Variants in ARHGAP8 observed in about 807,000 individuals in gnomAD.
The protein encoded by ARHGAP8 is Rho GTPase activating protein 8.
ARHGAP8 carries 62 observed loss-of-function variants against 46.1 expected under a neutral mutation model. The observed-to-expected ratio is 1.34, with a 90% CI of 1.10 to 1.66. ARHGAP8 has a LOEUF of 1.66. ARHGAP8 is among the 40% of genes most tolerant of loss of function. The pLI is 0.00. For missense variants in ARHGAP8, 923 were observed against 568.4 expected, an observed-to-expected ratio of 1.62 and a Z score of -6.34; for synonymous variants, 375 against 243.1, an observed-to-expected ratio of 1.54 and a Z score of -5.05.
chr22:44,794,991 T>C (rs985068827), intron 2 of ARHGAP8, among the ~76,000 whole-genome samples: 1 of 137,472 alleles, frequency 7.3e-6, no homozygotes, highest in African/African-American at 2.8e-5. Context: ...CAGTAAGTTA[T>C]GATCATGCCA....
chr22:44,756,185 G>T (rs919706696), intron 1 of ARHGAP8, among the ~76,000 whole-genome samples: 38 of 152,220 alleles, frequency 2.5e-4, no homozygotes, highest in Non-Finnish European at 4.7e-4. Context: ...GGTTGGGCAG[G>T]TCTGAATTCC....
intron 1 of ARHGAP8, among the ~76,000 whole-genome samples, chr22:44,775,636 G>A (rs1444208160): frequency 6.6e-6 from 1 of 152,012 alleles, no homozygotes; most frequent in East Asian, 1.9e-4. Context: ...TATTAGTAGA[G>A]ATGGGGTTTC....
chr22:44,823,476 A>T (rs1482673461), intron 6 of ARHGAP8, among the ~76,000 whole-genome samples: 2 of 152,078 alleles, frequency 1.3e-5, no homozygotes, highest in Admixed American at 1.3e-4. Flanking sequence ...GTCCCATGTG[A>T]TCAGGCAGAA....
intron 10 of ARHGAP8, among the ~76,000 whole-genome samples, chr22:44,858,622 C>T (rs966247765): frequency 6.2e-5 from 9 of 145,746 alleles, no homozygotes; most frequent in South Asian, 4.4e-4. Context: ...GTGCCTGCCT[C>T]GGCCTCCCAA....
At chr22:44,858,749 T>TC (rs1555922761) in intron 10 of ARHGAP8, among the ~76,000 whole-genome samples, 1 of 136,362 alleles carries the variant, frequency 7.3e-6, no homozygotes, top group Non-Finnish European at 1.6e-5. Flanking sequence ...GGTCTCAGAG[T>TC]GGGGGCCAGT....
intron 1 of ARHGAP8, among the ~76,000 whole-genome samples, chr22:44,758,468 C>T (rs867638029): frequency 2.0e-5 from 3 of 152,082 alleles, no homozygotes; most frequent in South Asian, 2.1e-4. Context: ...ATGGGGGCTC[C>T]GTGAATCCCC....
intron 3 of ARHGAP8, among the ~76,000 whole-genome samples, chr22:44,804,120 G>A (rs1019077280): frequency 1.3e-5 from 2 of 151,848 alleles, no homozygotes; most frequent in African/African-American, 4.8e-5. Flanking sequence ...CATGGGCCTC[G>A]CACCCTGCAC....
At chr22:44,794,873 A>G (rs2147065443) in intron 2 of ARHGAP8, among the ~76,000 whole-genome samples, 1 of 151,970 alleles carries the variant, frequency 6.6e-6, no homozygotes, top group South Asian at 2.1e-4. Context: ...TTGGAAGGAC[A>G]TTTAGAAATC....
chr22:44,783,597 C>G (rs564576944), intron 1 of ARHGAP8, among the ~76,000 whole-genome samples: 2 of 152,298 alleles, frequency 1.3e-5, no homozygotes, highest in East Asian at 3.9e-4. Flanking sequence ...CCTGTTCATG[C>G]CTCTGCTCCA....
chr22:44,858,203 G>T (rs5765060), intron 10 of ARHGAP8, among the ~76,000 whole-genome samples: 65,522 of 152,058 alleles, frequency 0.43, 14,420 homozygotes, highest in East Asian at 0.65. Context: ...GCACCCGGTG[G>T]TCACCAGCAA....
At chr22:44,845,979 G>A (rs975000636) in intron 8 of ARHGAP8, among the ~76,000 whole-genome samples, 3 of 151,748 alleles carry the variant, frequency 2.0e-5, no homozygotes, top group Non-Finnish European at 4.4e-5. Flanking sequence ...GTGCTGCAGC[G>A]CAGATGCGTG....
intron 1 of ARHGAP8, among the ~76,000 whole-genome samples, chr22:44,782,239 A>C (rs1448987833): frequency 1.3e-5 from 2 of 152,330 alleles, no homozygotes; most frequent in Middle Eastern, 3.4e-3. Flanking sequence ...CAGGGGGCTG[A>C]GGCAGGAGAA....
intron 1 of ARHGAP8, among the ~76,000 whole-genome samples, chr22:44,783,780 G>A (rs2882261): frequency 0.89 from 134,553 of 151,948 alleles, 59,844 homozygotes; most frequent in Non-Finnish European, 0.94. Context: ...CTGTACCTCC[G>A]GAGGCTCCAG....
intron 2 of ARHGAP8, among the ~76,000 whole-genome samples, chr22:44,795,750 T>C (rs1370999954): frequency 6.6e-6 from 1 of 152,144 alleles, no homozygotes; most frequent in African/African-American, 2.4e-5. Context: ...CTTCTCTTTC[T>C]TGGACACCAG....
In ARHGAP8 at chr22:44,849,151, G is replaced by A. The variant is rs143060526; in HGVS notation, c.877+91G>A. 7.6e-3 allele frequency: 11,956 copies of A among 1,580,720 alleles called. 58 individuals are homozygous for A. The highest frequency in any genetic ancestry group is 9.2e-3 in the Non-Finnish European group (10,742 of 1,168,634). On this transcript the variant is annotated intron_variant, in intron 10 of 11. Coordinates refer to ENST00000356099, the MANE Select transcript of ARHGAP8 (RefSeq NM_181335.3). ...CCCAGGGTCAGGCTCTGGGGTGGCC[G>A]AGGTGACGTGTACCCACCCTCCTCC...
intron 7 of ARHGAP8, among the ~76,000 whole-genome samples, chr22:44,837,248 G>A (rs1219374550): frequency 6.6e-6 from 1 of 152,180 alleles, no homozygotes; most frequent in Non-Finnish European, 1.5e-5. Flanking sequence ...CAAAACCAGA[G>A]AAAAAACATG....
At chr22:44,835,230 GC>G (rs1931203156) in intron 7 of ARHGAP8, among the ~76,000 whole-genome samples, 1 of 128,082 alleles carries the variant, frequency 7.8e-6, no homozygotes, top group Non-Finnish European at 1.6e-5. Flanking sequence ...TGTTTCTTTT[GC>G]TATATATATA....
At chr22:44,769,023 T>C (rs1925808977) in intron 1 of ARHGAP8, among the ~76,000 whole-genome samples, 1 of 152,000 alleles carries the variant, frequency 6.6e-6, no homozygotes, top group African/African-American at 2.4e-5. Context: ...TTAGTAGAGA[T>C]GGGGTTTCAC....
intron 10 of ARHGAP8, among the ~76,000 whole-genome samples, chr22:44,857,869 C>G (rs964534677): frequency 3.3e-5 from 5 of 152,134 alleles, no homozygotes; most frequent in Non-Finnish European, 5.9e-5. Flanking sequence ...ATAGGGAGTG[C>G]TCAGTGACAT....
Sources: gnomAD v4.1 joint callset for allele counts (sites outside exome capture counted in the v4.1 genomes callset) on GRCh38, gnomAD v4.1.1 for gene constraint, MANE v1.5 for transcripts, NCBI Gene and HGNC (gene_info 2026-07-23, HGNC 2026-07-21) for gene names.